The following NELL2 variants were observed in gnomAD, a reference collection of about 807,000 sequenced individuals.
NELL2 encodes the protein protein kinase C-binding protein NELL2.
In NELL2, 41 loss-of-function variants were observed where a neutral mutation model predicts 109.6. The observed-to-expected ratio is 0.37, with a 90% CI of 0.29 to 0.49. The LOEUF (loss-of-function observed/expected upper bound fraction) is 0.49. Ranked by LOEUF, NELL2 falls within the 20% of genes least tolerant of loss-of-function variation. NELL2 has a pLI of 0.98. For synonymous variants in NELL2, 355 were observed against 344.7 expected (o/e 1.03, Z -0.33); for missense variants, 900 against 1,008.3 (o/e 0.89, Z 1.45).
chr12:44,891,168 C>T (rs1439014811), intron 1 of NELL2, among the ~76,000 whole-genome samples: 1 of 152,188 alleles, frequency 6.6e-6, no homozygotes, highest in African/African-American at 2.4e-5. Context: ...AGGTGTTCTT[C>T]ACTCAGAGGA....
chr12:44,524,108 T>C (rs1941662463), intron 16 of NELL2, among the ~76,000 whole-genome samples: 1 of 152,160 alleles, frequency 6.6e-6, no homozygotes, highest in Non-Finnish European at 1.5e-5. Flanking sequence ...AATTACCATC[T>C]CTCTTACAAA....
chr12:44,735,924 T>C (rs1390970918), intron 9 of NELL2, among the ~76,000 whole-genome samples: 1 of 151,594 alleles, frequency 6.6e-6, no homozygotes, highest in East Asian at 1.9e-4. Flanking sequence ...ACTTTATTGG[T>C]GAAAACTAAG....
intron 15 of NELL2, among the ~76,000 whole-genome samples, chr12:44,590,634 TA>T (rs1489288278): frequency 2.0e-5 from 3 of 152,192 alleles, no homozygotes; most frequent in Admixed American, 2.0e-4. Flanking sequence ...GAGTTTAAGA[TA>T]GTGTTATTGT....
intron 3 of NELL2, among the ~76,000 whole-genome samples, chr12:44,814,196 TA>T (rs1943263585): frequency 6.6e-6 from 1 of 151,970 alleles, no homozygotes. Flanking sequence ...ACAGGAGCAG[TA>T]AGAAAGGAGG....
chr12:44,909,991 G>T (rs1945761783), intron 1 of NELL2, among the ~76,000 whole-genome samples: 1 of 151,794 alleles, frequency 6.6e-6, no homozygotes, highest in African/African-American at 2.4e-5. Context: ...CTCAAAATGG[G>T]TTAAAGATTT....
At chr12:44,715,176 T>C (rs28413508) in intron 9 of NELL2, among the ~76,000 whole-genome samples, 2,426 of 151,300 alleles carry the variant, frequency 0.016, 64 homozygotes, top group African/African-American at 0.056. Context: ...AACATTATAA[T>C]AGAAAGAAGG....
rs113783589 is a variant in NELL2, at chr12:44,757,643, C to T, written c.994+17104G>A. ...AAAAAACAGGCACTTCCAGATGTTG[C>T]TGAAGTGTAAATTGGTAAAACCATT... On this transcript the variant is annotated intron_variant, in intron 9 of 19. Coordinates refer to ENST00000429094, the MANE Select transcript of NELL2 (RefSeq NM_001145108.2). 9.0e-3 allele frequency among the ~76,000 whole-genome samples: 1,366 copies of T among 152,186 alleles called. 14 individuals carry two copies. Among genetic ancestry groups the T allele is most frequent in the African/African-American group, 0.03 (1,256 of 41,518 alleles).
chr12:44,653,309 A>C (rs778709170), intron 13 of NELL2, among the ~76,000 whole-genome samples: 3 of 152,224 alleles, frequency 2.0e-5, no homozygotes, highest in Admixed American at 6.5e-5. Context: ...CTGAGACTAA[A>C]GACTTAGGCA....
intron 1 of NELL2, among the ~76,000 whole-genome samples, chr12:44,896,598 A>C (rs539760596): frequency 6.6e-6 from 1 of 152,358 alleles, no homozygotes; most frequent in South Asian, 2.1e-4. Flanking sequence ...AAAAGTATTG[A>C]GTAAAGCAAT....
intron 1 of NELL2, among the ~76,000 whole-genome samples, chr12:44,888,119 C>T (rs1363423573): frequency 1.3e-5 from 2 of 151,994 alleles, no homozygotes; most frequent in Admixed American, 1.3e-4. Context: ...ATGTTCTTGG[C>T]ACCTTTGTTG....
chr12:44,544,260 C>T (rs1326682746), intron 15 of NELL2, among the ~76,000 whole-genome samples: 1 of 152,060 alleles, frequency 6.6e-6, no homozygotes, highest in African/African-American at 2.4e-5. Context: ...GATAAATCTT[C>T]ATCTATCATA....
At chr12:44,748,199 T>C (rs1455048533) in intron 9 of NELL2, among the ~76,000 whole-genome samples, 2 of 152,156 alleles carry the variant, frequency 1.3e-5, no homozygotes, top group East Asian at 3.9e-4. Context: ...AACACTCTAA[T>C]TTAAGAATAT....
chr12:44,661,215 C>G (rs1034384739), intron 13 of NELL2, among the ~76,000 whole-genome samples: 4 of 152,184 alleles, frequency 2.6e-5, no homozygotes, highest in African/African-American at 9.7e-5. Flanking sequence ...GCAGCCCATC[C>G]TAAGGGAAGA....
chr12:44,569,806 T>A (rs1331259195), intron 15 of NELL2, among the ~76,000 whole-genome samples: 3 of 152,214 alleles, frequency 2.0e-5, no homozygotes, highest in African/African-American at 7.2e-5. Flanking sequence ...AGGTCTTTGA[T>A]TATCACTATA....
At chr12:44,903,470 A>C (rs1420293372) in intron 1 of NELL2, among the ~76,000 whole-genome samples, 1 of 152,114 alleles carries the variant, frequency 6.6e-6, no homozygotes, top group African/African-American at 2.4e-5. Flanking sequence ...CATTGTGGAA[A>C]ACAGTGTAGC....
intron 3 of NELL2, among the ~76,000 whole-genome samples, chr12:44,815,194 C>A (rs1218366354): frequency 1.3e-5 from 2 of 152,050 alleles, no homozygotes; most frequent in African/African-American, 2.4e-5. Flanking sequence ...TTCCTCCTTT[C>A]CCCCCATCCA....
intron 3 of NELL2, among the ~76,000 whole-genome samples, chr12:44,780,668 C>T (rs1009852013): frequency 3.3e-5 from 5 of 152,138 alleles, no homozygotes; most frequent in South Asian, 2.1e-4. Flanking sequence ...GCACACTTCC[C>T]TTTCCCCGCT....
At chr12:44,774,365 T>A (rs1941667224) in intron 9 of NELL2, among the ~76,000 whole-genome samples, 1 of 152,220 alleles carries the variant, frequency 6.6e-6, no homozygotes, top group Admixed American at 6.5e-5. Flanking sequence ...CAGCATATCT[T>A]CTGCTGCTGA....
intron 13 of NELL2, among the ~76,000 whole-genome samples, chr12:44,624,988 A>G (rs28568739): frequency 0.016 from 1,139 of 69,972 alleles, 23 homozygotes; most frequent in African/African-American, 0.069. Context: ...ATATATATAT[A>G]TGTGTGTGTA....
Sources: gnomAD v4.1 joint callset for allele counts (sites outside exome capture counted in the v4.1 genomes callset) on GRCh38, gnomAD v4.1.1 for gene constraint, MANE v1.5 for transcripts, NCBI Gene and HGNC (gene_info 2026-07-23, HGNC 2026-07-21) for gene names.